DLGAP4: variants seen among roughly 807,000 people sequenced by gnomAD.
DLGAP4 encodes DLG associated protein 4, also known as disks large-associated protein 4.
DLGAP4 carries 18 observed loss-of-function variants against 86.9 expected under a neutral mutation model. The ratio of observed to expected loss-of-function variants is 0.21; its 90% CI spans 0.14 to 0.31. The LOEUF (loss-of-function observed/expected upper bound fraction) is 0.31, where lower values mean the gene tolerates loss of function less well. Ranked by LOEUF, DLGAP4 falls within the 10% of genes least tolerant of loss-of-function variation. The pLI is 1.00. For missense variants in DLGAP4, 1,085 were observed against 1,362.6 expected, an observed-to-expected ratio of 0.80 and a Z score of 3.21; for synonymous variants, 548 against 574.3, an observed-to-expected ratio of 0.95 and a Z score of 0.65.
At chr20:36,437,720 A>G (rs894430771) in intron 4 of DLGAP4, among the ~76,000 whole-genome samples, 1 of 152,150 alleles carries the variant, frequency 6.6e-6, no homozygotes, top group Admixed American at 6.6e-5. Context: ...TGGCCTGGGA[A>G]GACTGAGACA....
chr20:36,318,231 G>T (rs1272012336), intron 1 of DLGAP4, among the ~76,000 whole-genome samples: 3 of 151,732 alleles, frequency 2.0e-5, no homozygotes, highest in African/African-American at 7.3e-5. Context: ...AGTGATAAGG[G>T]CTGTTTCTGG....
At chr20:36,503,573 C>T (rs1051147394) in intron 10 of DLGAP4, among the ~76,000 whole-genome samples, 4 of 150,010 alleles carry the variant, frequency 2.7e-5, no homozygotes, top group South Asian at 2.1e-4. Context: ...CTGCAAGCTC[C>T]GCCTCCTAGG....
rs569840283 is a variant in DLGAP4, at chr20:36,466,702, A to G, written c.1648+19765A>G. 1.1e-4 allele frequency among the ~76,000 whole-genome samples: 17 copies of G among 152,360 alleles called. 1 individual carries two copies. The South Asian group carries it at 3.5e-3, about 32-fold the overall frequency. ...ACAAGCCACATTCTAGAGCTAAAAC[A>G]TGGCTGTTCCACAGCATGGAGGCAG... is the stretch of plus-strand genomic sequence containing the variant. On this transcript the variant is annotated intron_variant, in intron 7 of 12. Coordinates refer to ENST00000339266, the MANE Select transcript of DLGAP4 (RefSeq NM_001365621.2).
chr20:36,525,254 A>AAAAAAAAAAAAAC (rs1569527332), intron 11 of DLGAP4, among the ~76,000 whole-genome samples: 1 of 62,464 alleles, frequency 1.6e-5, no homozygotes, highest in African/African-American at 3.8e-5. Flanking sequence ...AAAAAAAAAA[A>AAAAAAAAAAAAAC]CAAAGAAATC....
At chr20:36,364,137 A>G (rs1318411667) in intron 1 of DLGAP4, among the ~76,000 whole-genome samples, 1 of 152,190 alleles carries the variant, frequency 6.6e-6, no homozygotes, top group Non-Finnish European at 1.5e-5. Flanking sequence ...GAAGCTGAGC[A>G]TGGTGGTACA....
rs146034964 is a variant in DLGAP4, at chr20:36,452,756, C to T, written c.1648+5819C>T. ...AACGTCTGACCTCAAGTGATCTGCC[C>T]GCCTCGGCCTCCCAAAGTGTTGGGA... On this transcript the variant is annotated intron_variant, in intron 7 of 12. Transcript: ENST00000339266. 4.3e-3 allele frequency among the ~76,000 whole-genome samples: 653 copies of T among 151,456 alleles called. 6 individuals carry two copies. The highest frequency in any genetic ancestry group is 0.015 in the African/African-American group (599 of 41,254).
chr20:36,487,972 C>T (rs764374567), intron 7 of DLGAP4, among the ~76,000 whole-genome samples: 1 of 152,068 alleles, frequency 6.6e-6, no homozygotes, highest in African/African-American at 2.4e-5. Context: ...GAGGCTGAGG[C>T]GGGTGGATCA....
At chr20:36,462,162 G>A in intron 7 of DLGAP4, 1 of 1,042,036 alleles carries the variant, frequency 9.6e-7, no homozygotes, top group Non-Finnish European at 1.2e-6. Context: ...CATATCCACT[G>A]GGAGCTCCTA....
At chr20:36,505,668 C>T (rs2036332023) in intron 10 of DLGAP4, among the ~76,000 whole-genome samples, 1 of 152,076 alleles carries the variant, frequency 6.6e-6, no homozygotes, top group Non-Finnish European at 1.5e-5. Context: ...TCCAGCTATT[C>T]GGGAGGCTGA....
Position 36,431,785 on chromosome 20 carries a change from T to C in DLGAP4, c.68T>C (p.Leu23Pro), listed in dbSNP as rs766117346. The C allele has an allele frequency of 9.3e-6, 15 of 1,612,976 alleles. No individual in the cohort carries two copies. The highest frequency in any genetic ancestry group is 1.3e-5 in the Non-Finnish European group (15 of 1,179,722). ...SDSLDPPHEP[L>P]FAGTDRNPYL... ...AGCCTAGACCCACCCCACGAGCCCCTGTTTGCAGGGACCGACCGCAACCCC... is the reference window on the plus strand; with the variant it reads ...AGCCTAGACCCACCCCACGAGCCCCCGTTTGCAGGGACCGACCGCAACCCC... Residue 23 changes from leucine to proline, a missense_variant, in exon 3 of 13, where the codon CTG (leucine) becomes CCG (proline). Coordinates refer to ENST00000339266, the MANE Select transcript of DLGAP4 (RefSeq NM_001365621.2). This position sits in a 1 kb window ranked among gnomAD's most constrained non-coding sequence, Gnocchi z 5.1.
chr20:36,328,622 T>C (rs1171607585), intron 1 of DLGAP4, among the ~76,000 whole-genome samples: 1 of 151,980 alleles, frequency 6.6e-6, no homozygotes, highest in African/African-American at 2.4e-5. Flanking sequence ...TGGGGGGTTT[T>C]ATTGTTTGTT....
At chr20:36,329,018 C>A (rs536008035) in intron 1 of DLGAP4, among the ~76,000 whole-genome samples, 5 of 152,286 alleles carry the variant, frequency 3.3e-5, no homozygotes, top group African/African-American at 1.2e-4. Context: ...TTGTGATCTG[C>A]CTGACTTGGT....
intron 4 of DLGAP4, among the ~76,000 whole-genome samples, chr20:36,437,671 C>T (rs1318702147): frequency 1.3e-5 from 2 of 152,148 alleles, no homozygotes; most frequent in African/African-American, 2.4e-5. Flanking sequence ...CCTAGATCTT[C>T]AACTAGGGGG....
intron 7 of DLGAP4, among the ~76,000 whole-genome samples, chr20:36,467,057 T>C (rs1402243733): frequency 8.0e-5 from 7 of 87,434 alleles, no homozygotes; most frequent in South Asian, 6.3e-4. Flanking sequence ...TCTCTCTCTC[T>C]CTCTCTCCCC....
intron 1 of DLGAP4, among the ~76,000 whole-genome samples, chr20:36,365,345 G>A (rs938650260): frequency 8.5e-5 from 13 of 152,312 alleles, no homozygotes; most frequent in Middle Eastern, 3.4e-3. Flanking sequence ...GGTCTTTCCC[G>A]CCCTGGCAAT....
Position 36,411,614 on chromosome 20 carries a change from C to T in DLGAP4, c.-72-20032C>T, listed in dbSNP as rs1327311991. Among the ~76,000 whole-genome samples the T allele has an allele frequency of 5.9e-5, 9 of 152,284 alleles. No individual in the cohort carries two copies. In the East Asian group the frequency reaches 1.2e-3, roughly 20 times the overall value. On this transcript the variant is annotated intron_variant, in intron 2 of 12. Coordinates refer to ENST00000339266, the MANE Select transcript of DLGAP4 (RefSeq NM_001365621.2). Reference sequence around the variant, plus strand: ...CAAGGCCGCTGGTAATTCCTAGAAGCGGAATTGCTGGCACCCATGGCCTTT... The same window carrying T: ...CAAGGCCGCTGGTAATTCCTAGAAGTGGAATTGCTGGCACCCATGGCCTTT...
At chr20:36,516,052 G>T (rs2037017913) in intron 10 of DLGAP4, among the ~76,000 whole-genome samples, 1 of 150,336 alleles carries the variant, frequency 6.7e-6, no homozygotes, top group Non-Finnish European at 1.5e-5. Context: ...AGCCAGCAAA[G>T]GAACCAACAG....
chr20:36,334,739 A>T (rs2065304363), intron 1 of DLGAP4, among the ~76,000 whole-genome samples: 1 of 152,086 alleles, frequency 6.6e-6, no homozygotes, highest in South Asian at 2.1e-4. Flanking sequence ...GGTTACTGAG[A>T]TTGGGAGTTG....
Position 36,527,087 on chromosome 20 carries a change from G to A in DLGAP4, c.*56G>A, listed in dbSNP as rs1301367153. ...ATCATTAAAAACACAAAAACTAAGTGCGAACGGAACAGAGTTTTCTCAACC... is the reference window on the plus strand; with the variant it reads ...ATCATTAAAAACACAAAAACTAAGTACGAACGGAACAGAGTTTTCTCAACC... On this transcript the variant is annotated 3_prime_UTR_variant, in exon 13 of 13. Transcript: ENST00000339266. 1.1e-5 allele frequency: 17 copies of A among 1,500,052 alleles called. No homozygotes were observed. The highest frequency in any genetic ancestry group is 1.2e-5 in the South Asian group (1 of 80,532). The allele number at this position is 1,500,052 out of a possible 1,614,324, so 92.9% of individuals were successfully genotyped here.
Sources: gnomAD v4.1 joint callset for allele counts (sites outside exome capture counted in the v4.1 genomes callset) on GRCh38, gnomAD v4.1.1 for gene constraint, Gnocchi (gnomAD v3.1) non-coding constraint, MANE v1.5 for transcripts, NCBI Gene and HGNC (gene_info 2026-07-23, HGNC 2026-07-21) for gene names.